The following SORD variants were observed in gnomAD, a reference collection of about 807,000 sequenced individuals.
The protein encoded by SORD is (R,R)-butanediol dehydrogenase.
SORD carries 18 observed loss-of-function variants against 35.6 expected under a neutral mutation model. That is an observed-to-expected ratio of 0.51 (90% confidence interval 0.35 to 0.75). SORD has a LOEUF of 0.75. Among genes scored for constraint, SORD ranks in the 30% least tolerant of loss-of-function variants. The pLI is 0.01. For synonymous variants in SORD, 106 were observed against 152.9 expected (o/e 0.69, Z 2.26); for missense variants, 250 against 390.2 (o/e 0.64, Z 3.03).
chr15:45,043,995 C>T (rs1308491562), intron 3 of SORD, among the ~76,000 whole-genome samples: 8 of 152,236 alleles, frequency 5.3e-5, no homozygotes, highest in African/African-American at 1.9e-4. Context: ...GGTGAGGCTG[C>T]TGTGCAGCCC....
chr15:45,055,212 A>C (rs1893196201), intron 3 of SORD, among the ~76,000 whole-genome samples: 1 of 152,208 alleles, frequency 6.6e-6, no homozygotes, highest in Non-Finnish European at 1.5e-5. Context: ...TGGGGATGGC[A>C]TTGAATCTAT....
intron 3 of SORD, among the ~76,000 whole-genome samples, chr15:45,045,305 T>C (rs9944189): frequency 0.96 from 146,697 of 152,196 alleles, 70,793 homozygotes; most frequent in Non-Finnish European, 0.99. Flanking sequence ...TGGGAAGCTG[T>C]GGTGGGCAGG....
At chr15:45,040,817 C>A (rs1892954612) in intron 2 of SORD, among the ~76,000 whole-genome samples, 1 of 152,170 alleles carries the variant, frequency 6.6e-6, no homozygotes, top group African/African-American at 2.4e-5. Context: ...AGTGTCCTAA[C>A]CCTAACCCAA....
chr15:45,062,091 A>G (rs1451840673), intron 4 of SORD, among the ~76,000 whole-genome samples: 1 of 152,144 alleles, frequency 6.6e-6, no homozygotes, highest in Non-Finnish European at 1.5e-5. Context: ...GAGAGTCATA[A>G]TTATTATTAC....
intron 4 of SORD, 30 bp downstream of exon 4, chr15:45,061,256 T>A (rs1893301203): frequency 1.4e-5 from 23 of 1,610,428 alleles, no homozygotes; most frequent in Non-Finnish European, 2.0e-5. Flanking sequence ...CTGGGTCACC[T>A]GGGACCTCTT....
At chr15:45,056,104 A>G (rs12907562) in intron 3 of SORD, among the ~76,000 whole-genome samples, 9,015 of 146,176 alleles carry the variant, frequency 0.062, 337 homozygotes, top group South Asian at 0.098. Context: ...CTCTCTCACC[A>G]CTCCTATTCA....
intron 1 of SORD, among the ~76,000 whole-genome samples, chr15:45,025,673 C>G (rs1892657294): frequency 6.6e-6 from 1 of 151,278 alleles, no homozygotes; most frequent in African/African-American, 2.4e-5. Context: ...CACAAGGTGC[C>G]TTTGAGAAAT....
At chr15:45,066,500 ACC>A (rs774354234) in intron 5 of SORD, among the ~76,000 whole-genome samples, 3 of 152,108 alleles carry the variant, frequency 2.0e-5, no homozygotes, top group Non-Finnish European at 4.4e-5. Flanking sequence ...AATAAGGTAG[ACC>A]CTGCTCCCGG....
intron 3 of SORD, among the ~76,000 whole-genome samples, chr15:45,045,841 A>C (rs1893039261): frequency 6.6e-6 from 1 of 152,066 alleles, no homozygotes; most frequent in Non-Finnish European, 1.5e-5. Flanking sequence ...CTGTCTCTAC[A>C]AAAAATAGAA....
chr15:45,035,501 G>T (rs1366500394), intron 1 of SORD, among the ~76,000 whole-genome samples: 8 of 152,170 alleles, frequency 5.3e-5, no homozygotes, highest in African/African-American at 1.4e-4. Flanking sequence ...CTAGCTCAGG[G>T]ATTGTAAATG....
intron 7 of SORD, 36 bp from the exon 8 acceptor site, chr15:45,072,276 TTCTTA>T: frequency 1.9e-6 from 1 of 530,710 alleles, no homozygotes; most frequent in Non-Finnish European, 3.2e-6. Context: ...AAGTCAGTAT[TTCTTA>T]TCTTCTGAGC....
intron 4 of SORD, among the ~76,000 whole-genome samples, chr15:45,064,042 C>T (rs1274478447): frequency 2.0e-5 from 3 of 148,620 alleles, no homozygotes; most frequent in Admixed American, 1.4e-4. Context: ...AGATTGGAGA[C>T]AGTGTTGAAA....
At chr15:45,059,938 A>AG (rs1370255021) in intron 3 of SORD, among the ~76,000 whole-genome samples, 1 of 152,252 alleles carries the variant, frequency 6.6e-6, no homozygotes, top group African/African-American at 2.4e-5. Flanking sequence ...GGTACAAAAA[A>AG]AAGTCAAAAC....
rs969317499 is a variant in SORD, at chr15:45,065,486, C to G, written c.544+97C>G. The G allele has an allele frequency of 1.6e-5, 24 of 1,498,640 alleles. No homozygotes were observed. The Admixed American group carries it at 4.8e-4, about 30-fold the overall frequency. The allele number at this position is 1,498,640 out of a possible 1,614,324, so 92.8% of individuals were successfully genotyped here. A position where few individuals can be genotyped will look rare whatever the true frequency, so the allele number is the denominator to read the frequency against. Reference sequence around the variant, plus strand: ...CCCCCTCCAAGGCTTGAGATTTGTTCTAGAATCCTTCTGGGTAAGGGAGGA... The same window carrying G: ...CCCCCTCCAAGGCTTGAGATTTGTTGTAGAATCCTTCTGGGTAAGGGAGGA... On this transcript the variant is annotated intron_variant, in intron 5 of 8. Transcript: ENST00000267814.
chr15:45,070,085 G>C (rs1473730734), intron 7 of SORD: 3 of 152,138 alleles, frequency 2.0e-5, no homozygotes, highest in African/African-American at 7.3e-5. Context: ...CAATAGCCCT[G>C]AAAACCAGTT....
At chr15:45,070,074 A>G (rs561018254) in intron 7 of SORD, 1 of 152,278 alleles carries the variant, frequency 6.6e-6, no homozygotes, top group East Asian at 1.9e-4. Flanking sequence ...CCTAATCTGC[A>G]CAATAGCCCT....
chr15:45,052,249 T>A (rs1213422677), intron 3 of SORD, among the ~76,000 whole-genome samples: 1 of 152,200 alleles, frequency 6.6e-6, no homozygotes, highest in Admixed American at 6.5e-5. Flanking sequence ...GAGACTCCAA[T>A]GTAGCTGGAT....
chr15:45,057,986 C>T (rs1310899992), intron 3 of SORD, among the ~76,000 whole-genome samples: 1 of 152,136 alleles, frequency 6.6e-6, no homozygotes, highest in Admixed American at 6.5e-5. Context: ...TCTAGGAAAT[C>T]ACAAAAACAG....
intron 4 of SORD, among the ~76,000 whole-genome samples, chr15:45,061,603 C>T (rs1489708619): frequency 1.3e-5 from 2 of 151,876 alleles, no homozygotes; most frequent in Non-Finnish European, 2.9e-5. Context: ...TGTGGTGGCT[C>T]ATGCCTGTAA....
Sources: allele counts gnomAD v4.1 joint callset (sites outside exome capture counted in the v4.1 genomes callset), GRCh38; gene constraint gnomAD v4.1.1; transcripts MANE v1.5; gene names NCBI Gene and HGNC (gene_info 2026-07-23, HGNC 2026-07-21).